Variants in RAB27B observed in about 807,000 individuals in gnomAD.
RAB27B encodes the protein RAB27B, member RAS oncogene family, also known as ras-related protein Rab-27B.
RAB27B carries 15 observed loss-of-function variants against 24.6 expected under a neutral mutation model. The ratio of observed to expected loss-of-function variants is 0.61; its 90% confidence interval spans 0.41 to 0.94. The LOEUF is 0.94. Ranked by LOEUF, RAB27B falls within the 40% of genes least tolerant of loss-of-function variation. The pLI is 0.00. For synonymous variants in RAB27B, 105 were observed against 92.5 expected (o/e 1.14, Z -0.78); for missense variants, 261 against 266.8 (o/e 0.98, Z 0.15).
At chr18:54,823,676 G>T (rs540992099), upstream of RAB27B, among the ~76,000 whole-genome samples, 2 of 152,186 alleles carry the variant, frequency 1.3e-5, no homozygotes, top group African/African-American at 4.8e-5. Flanking sequence ...AAATCATTGT[G>T]CAAACCTCTC....
In RAB27B at chr18:54,867,462, T is replaced by TTTTTC. The variant is rs1912285345; in HGVS notation, c.-19-10105_-19-10104insTTTTC. Among the ~76,000 whole-genome samples the TTTTTC allele has an allele frequency of 7.4e-5, 11 of 148,116 alleles. No individual in the cohort carries two copies. In the South Asian group the frequency reaches 1.5e-3, roughly 21 times the overall value. On this transcript the variant is annotated intron_variant, in intron 1 of 5. Coordinates refer to ENST00000262094, the MANE Select transcript of RAB27B (RefSeq NM_004163.4). The stretch of plus-strand genomic sequence containing the variant: ...CTTTTCTTTTTTTTTTTTTTTTTTT[T>TTTTTC]CTGAGATGGAGTCTCGCTCTGTTGC...
chr18:54,813,784 T>C (rs1009761346), intron 2 of RAB27B, among the ~76,000 whole-genome samples: 5 of 152,142 alleles, frequency 3.3e-5, no homozygotes, highest in African/African-American at 1.2e-4. Context: ...CTCAAATCAA[T>C]TTTTGGAAGG....
chr18:54,804,886 T>TTC (rs1909725001), intron 2 of RAB27B, among the ~76,000 whole-genome samples: 4 of 30,642 alleles, frequency 1.3e-4, no homozygotes, highest in Admixed American at 3.5e-4. Context: ...TTTTCTTTCT[T>TTC]TCTTTCTCTT....
rs185611768 is a variant in RAB27B at position 54,889,444 on chromosome 18, C to T, written c.*31C>T. 1.9e-4 allele frequency: 291 copies of T among 1,555,528 alleles called. 2 individuals are homozygous for T. The highest frequency in any genetic ancestry group is 1.4e-3 in the Middle Eastern group (8 of 5,826). ...ACATAGAAACTGAACATCAAGAACC[C>T]CACCAAAATATTACTTTTAAAAACA... On this transcript the variant is annotated 3_prime_UTR_variant, in exon 6 of 6. Transcript: ENST00000262094.
intron 1 of RAB27B, among the ~76,000 whole-genome samples, chr18:54,872,044 A>G (rs1318729631): frequency 1.3e-5 from 2 of 152,038 alleles, no homozygotes; most frequent in Non-Finnish European, 2.9e-5. Context: ...CAAGCTCCCC[A>G]CTGGCGAGCA....
chr18:54,734,673 A>T (rs1909837859), intron 2 of RAB27B, among the ~76,000 whole-genome samples: 1 of 152,210 alleles, frequency 6.6e-6, no homozygotes, highest in African/African-American at 2.4e-5. Context: ...TAGTTATATA[A>T]ATAGCCTAAG....
rs1913274726 is a variant in RAB27B at position 54,889,363 on chromosome 18, T to C, written c.607T>C (p.Ser203Pro). The C allele has an allele frequency of 6.2e-7, 1 of 1,613,294 alleles. No homozygotes were observed. ...CCCTGATACTGTCAATGGTGGAAAT[T>C]CTGGAAACTTGGATGGGGAAAAGCC... Reference protein sequence around the residue: ...QIPDTVNGGNSGNLDGEKPPE... With the variant: ...QIPDTVNGGNPGNLDGEKPPE... Residue 203 changes from serine (S) to proline (P), a missense_variant, in exon 6 of 6, where the codon TCT becomes CCT. Ser to Pro is a moderately conservative substitution (Grantham distance 74). Transcript: ENST00000262094.
chr18:54,847,155 C>T lies in RAB27B; in HGVS notation c.-20+18455C>T, dbSNP rs117073349. ...AGTGAGTCACCATGCCCGGCCATGA[C>T]TGCTTTTTAAATTGACAATAATGAA... is the stretch of plus-strand genomic sequence containing the variant. On this transcript the variant is annotated intron_variant, in intron 1 of 5. Coordinates refer to ENST00000262094, the MANE Select transcript of RAB27B (RefSeq NM_004163.4). Among the ~76,000 whole-genome samples the T allele has an allele frequency of 4.2e-3, 637 of 152,288 alleles. 3 individuals carry two copies. The highest frequency in any genetic ancestry group is 6.9e-3 in the Non-Finnish European group (466 of 68,020).
intron 2 of RAB27B, among the ~76,000 whole-genome samples, chr18:54,818,997 C>T (rs987524925): frequency 6.6e-6 from 1 of 151,612 alleles, no homozygotes; most frequent in African/African-American, 2.4e-5. Flanking sequence ...GCCACTCAAC[C>T]TTCAGTAGCA....
At chr18:54,785,731 C>T (rs1469670408) in intron 2 of RAB27B, among the ~76,000 whole-genome samples, 4 of 152,090 alleles carry the variant, frequency 2.6e-5, no homozygotes, top group Non-Finnish European at 5.9e-5. Flanking sequence ...ATTAAATAGG[C>T]ATGTGTTGTT....
In RAB27B at chr18:54,892,242, T is replaced by C. The variant is rs766795632; in HGVS notation, c.*2829T>C. 1.4e-4 allele frequency: 22 copies of C among 152,168 alleles called. 1 individual carries two copies. In the South Asian group the frequency reaches 1.9e-3, roughly 13 times the overall value. 9.4% of individuals were successfully genotyped at this position (152,168 alleles called of 1,614,324 possible). A position where few individuals can be genotyped will look rare whatever the true frequency, so the allele number is the denominator to read the frequency against. On this transcript the variant is annotated 3_prime_UTR_variant, in exon 6 of 6. Coordinates refer to ENST00000262094, the MANE Select transcript of RAB27B (RefSeq NM_004163.4). ...TGATATAGAAACCATTTCTGGAGTA[T>C]TTACACTGGTTTGATGTTTACATTG...
chr18:54,788,915 G>C (rs1909170158), intron 2 of RAB27B, among the ~76,000 whole-genome samples: 1 of 152,120 alleles, frequency 6.6e-6, no homozygotes, highest in Non-Finnish European at 1.5e-5. Flanking sequence ...GCACAGGAGT[G>C]GTCACTTGGA....
intron 1 of RAB27B, among the ~76,000 whole-genome samples, chr18:54,851,827 G>A (rs1006351779): frequency 6.6e-6 from 1 of 151,958 alleles, no homozygotes; most frequent in Admixed American, 6.6e-5. Context: ...TTAAATTGAG[G>A]AATAATTTAA....
intron 1 of RAB27B, among the ~76,000 whole-genome samples, chr18:54,849,849 G>GTC (rs1260452406): frequency 1.3e-5 from 2 of 152,104 alleles, no homozygotes; most frequent in Non-Finnish European, 2.9e-5. Flanking sequence ...TGACACTCTT[G>GTC]TCTCCAATAA....
chr18:54,823,268 G>A (rs1224189688), intron 2 of RAB27B, among the ~76,000 whole-genome samples: 2 of 152,214 alleles, frequency 1.3e-5, no homozygotes, highest in Admixed American at 1.3e-4. Context: ...AACTGGAGAA[G>A]GGTGGATTTT....
chr18:54,812,359 C>G (rs554684796), intron 2 of RAB27B, among the ~76,000 whole-genome samples: 1 of 151,988 alleles, frequency 6.6e-6, no homozygotes, highest in Non-Finnish European at 1.5e-5. Context: ...TACAGATGTT[C>G]TGGAAATAAT....
At chr18:54,728,903 C>CAAACAAAAAA (rs1909634671) in intron 2 of RAB27B, among the ~76,000 whole-genome samples, 2 of 68,254 alleles carry the variant, frequency 2.9e-5, no homozygotes, top group Non-Finnish European at 5.0e-5. Flanking sequence ...AAAAAAAACC[C>CAAACAAAAAA]AAAAAAAAAA....
At position 54,785,422 on chromosome 18, in the gene RAB27B, C is replaced by T. The variant is rs141778050; in HGVS notation, c.-20+67281C>T. On this transcript the variant is annotated intron_variant, in intron 2 of 4. Transcript: ENST00000586570. The stretch of plus-strand genomic sequence containing the variant: ...CGGCCCTGGATGAATGTTCTTTGCT[C>T]TCACCTTCCTCAGGTTTTTTTTTTT... 1.8e-3 allele frequency among the ~76,000 whole-genome samples: 258 copies of T among 144,704 alleles called. 4 individuals carry two copies. The highest frequency in any genetic ancestry group is 6.1e-3 in the African/African-American group (241 of 39,250). 94.9% of individuals were successfully genotyped at this position (144,704 alleles called of 152,430 possible).
rs1000808514 is a variant in RAB27B at position 54,891,560 on chromosome 18, A to G, written c.*2147A>G. On this transcript the variant is annotated 3_prime_UTR_variant, in exon 6 of 6. Transcript: ENST00000262094. ...GTGAACTTTTGGGGTCATTATATCA[A>G]TTTTTTCTTTGGATTCAAATTGTAA... 4 of 152,132 alleles carry G rather than the reference A, an allele frequency of 2.6e-5. No individual in the cohort carries two copies. Among genetic ancestry groups the G allele is most frequent in the African/African-American group, 9.6e-5 (4 of 41,516 alleles). 9.4% of individuals were successfully genotyped at this position (152,132 alleles called of 1,614,324 possible). A position where few individuals can be genotyped will look rare whatever the true frequency, so the allele number is the denominator to read the frequency against.
Sources: allele counts gnomAD v4.1 joint callset (sites outside exome capture counted in the v4.1 genomes callset), GRCh38; gene constraint gnomAD v4.1.1; transcripts MANE v1.5; gene names NCBI Gene and HGNC (gene_info 2026-07-23, HGNC 2026-07-21).